The following SLC1A6 variants were observed in gnomAD, a reference collection of about 807,000 sequenced individuals.
SLC1A6 encodes the protein excitatory amino acid transporter 4.
Under a neutral mutation model 42.1 loss-of-function variants are expected in SLC1A6, and 15 were observed. The ratio of observed to expected loss-of-function variants is 0.36; its 90% confidence interval spans 0.24 to 0.55. The LOEUF is 0.55. SLC1A6 is among the 20% of genes least tolerant of loss of function. The pLI, the probability that SLC1A6 is intolerant of heterozygous loss-of-function variation, is 0.88. For synonymous variants in SLC1A6, 317 were observed against 319.7 expected (o/e 0.99, Z 0.09); for missense variants, 542 against 772.5 (o/e 0.70, Z 3.54).
rs1266249354 is a variant in SLC1A6, at chr19:14,961,791, G to T, written c.935+211C>A. The T allele has an allele frequency of 2.9e-5, 18 of 617,656 alleles. No homozygotes were observed. In the East Asian group the frequency reaches 5.3e-4, roughly 18 times the overall value. The allele number at this position is 617,656 out of a possible 1,614,324, so 38.3% of individuals were successfully genotyped here. On this transcript the variant is annotated intron_variant, in intron 6 of 9. Transcript: ENST00000594383. ...TCCATGAACTAACCAATGCATAGAA[G>T]AATGAATGAATGAACAGATGAACAA...
chr19:15,010,174 AG>A (rs771589753), intron 1 of SLC1A6, among the ~76,000 whole-genome samples: 2,732 of 83,252 alleles, frequency 0.033, 31 homozygotes, highest in East Asian at 0.16. Context: ...CGACAGTGCA[AG>A]ACTCTATGAA....
At chr19:14,985,930 C>G (rs1283725625) in intron 1 of SLC1A6, among the ~76,000 whole-genome samples, 1 of 152,112 alleles carries the variant, frequency 6.6e-6, no homozygotes, top group Non-Finnish European at 1.5e-5. Flanking sequence ...TGCACTCCAG[C>G]CTGGGCAGCA....
In SLC1A6 at chr19:14,968,317, G is replaced by A. The variant is rs924553349; in HGVS notation, c.534C>T (p.Phe178=). The A allele has an allele frequency of 9.3e-6, 15 of 1,612,984 alleles. No individual in the cohort carries two copies. The highest frequency in any genetic ancestry group is 1.3e-5 in the Non-Finnish European group (15 of 1,179,508). ...GGTTGGCACACCTGATCAGGTCCATGAAGGCATCAGCTGTGGGGATGGTCT... is the reference window on the plus strand; with the variant it reads ...GGTTGGCACACCTGATCAGGTCCATAAAGGCATCAGCTGTGGGGATGGTCT... The part of the protein sequence containing the change: ...RIETIPTADA[F]MDLIRNMFPP... The change falls in exon 4 of 10, where the codon TTC becomes TTT. Residue 178 remains phenylalanine, a synonymous_variant. Transcript: ENST00000594383.
At chr19:14,953,432 G>C (rs1235431157) in intron 8 of SLC1A6, among the ~76,000 whole-genome samples, 2 of 151,806 alleles carry the variant, frequency 1.3e-5, no homozygotes, top group South Asian at 2.1e-4. Context: ...ATTTTTAGTA[G>C]AGATGGGGTT....
intron 9 of SLC1A6, among the ~76,000 whole-genome samples, chr19:14,952,637 G>A (rs900605898): frequency 6.6e-6 from 1 of 151,988 alleles, no homozygotes; most frequent in Non-Finnish European, 1.5e-5. Flanking sequence ...CACCGCACCC[G>A]GCCTGGATCA....
intron 6 of SLC1A6, among the ~76,000 whole-genome samples, chr19:14,958,101 T>C (rs1248599703): frequency 2.6e-5 from 4 of 152,158 alleles, no homozygotes; most frequent in Non-Finnish European, 1.5e-5. Context: ...CAATGGCTAC[T>C]CCTCTTTCTT....
At chr19:14,988,818 G>A (rs776636222) in intron 1 of SLC1A6, among the ~76,000 whole-genome samples, 11 of 152,050 alleles carry the variant, frequency 7.2e-5, no homozygotes, top group East Asian at 1.9e-4. Flanking sequence ...AGTAGGAGAC[G>A]ACCAGCCTGG....
intron 1 of SLC1A6, among the ~76,000 whole-genome samples, chr19:14,975,851 G>C (rs1413768735): frequency 1.0e-5 from 1 of 100,502 alleles, no homozygotes; most frequent in African/African-American, 4.3e-5. Flanking sequence ...GGGACAAAGG[G>C]AAGGGAAGGG....
chr19:15,003,669 A>AAAAG (rs1473772300), intron 1 of SLC1A6, among the ~76,000 whole-genome samples: 1 of 146,048 alleles, frequency 6.8e-6, no homozygotes, highest in Non-Finnish European at 1.5e-5. Flanking sequence ...CCAAAAAAAA[A>AAAAG]AAAAAGAAAG....
chr19:14,961,156 C>G (rs2045507645), intron 6 of SLC1A6, among the ~76,000 whole-genome samples: 1 of 152,114 alleles, frequency 6.6e-6, no homozygotes, highest in Non-Finnish European at 1.5e-5. Flanking sequence ...ATTCTCCCAC[C>G]TTGGCCTCCC....
In SLC1A6 at chr19:14,979,103, C is replaced by A. The variant is rs1410004085; in HGVS notation, c.-8+206G>T. Among the ~76,000 whole-genome samples, 1 of 149,332 alleles carries A rather than the reference C, an allele frequency of 6.7e-6. No individual in the cohort carries two copies. Among genetic ancestry groups the A allele is most frequent in the African/African-American group, 2.5e-5 (1 of 40,806 alleles). ...ACACACACACACACACACACTAATG[C>A]CCAGACCCTCTGCAGCCTCAGCCAC... On this transcript the variant is annotated intron_variant, in intron 1 of 9. Coordinates refer to ENST00000594383, the MANE Select transcript of SLC1A6 (RefSeq NM_005071.3). The surrounding 1 kb of genome is among the most constrained non-coding windows in gnomAD (Gnocchi z 4.2).
intron 3 of SLC1A6, among the ~76,000 whole-genome samples, chr19:14,970,723 A>C (rs1325119986): frequency 6.6e-6 from 1 of 151,594 alleles, no homozygotes; most frequent in East Asian, 1.9e-4. Context: ...AAAAAAAAAG[A>C]ATATAGTATA....
At chr19:14,977,760 G>A (rs929727219) in intron 1 of SLC1A6, 2 of 152,198 alleles carry the variant, frequency 1.3e-5, no homozygotes, top group African/African-American at 4.8e-5. Flanking sequence ...CAACTTGGGT[G>A]ACAGCGTAAA....
chr19:14,995,655 A>G (rs1015873168), intron 1 of SLC1A6, among the ~76,000 whole-genome samples: 6 of 152,194 alleles, frequency 3.9e-5, no homozygotes, highest in African/African-American at 1.4e-4. Context: ...ATAAAACGTT[A>G]TGCTATACAT....
rs115234966 is a variant in SLC1A6 at position 14,972,498 on chromosome 19, T to C, written c.205+208A>G. ...TGTACACATGGATATGCATGTAACA[T>C]TGTGTGCACACACAGTTGTGTTTGC... On this transcript the variant is annotated intron_variant, in intron 2 of 9. Coordinates refer to ENST00000594383, the MANE Select transcript of SLC1A6 (RefSeq NM_005071.3). 3.3e-3 allele frequency among the ~76,000 whole-genome samples: 501 copies of C among 152,372 alleles called. 5 individuals are homozygous for C. The highest frequency in any genetic ancestry group is 0.011 in the African/African-American group (472 of 41,584).
intron 1 of SLC1A6, among the ~76,000 whole-genome samples, chr19:15,007,228 C>T (rs757099211): frequency 3.9e-5 from 6 of 152,160 alleles, no homozygotes; most frequent in Non-Finnish European, 8.8e-5. Context: ...AGCACTGATC[C>T]GTGCTACAAC....
chr19:14,978,819 C>A (rs1461626307), intron 1 of SLC1A6, among the ~76,000 whole-genome samples: 1 of 151,978 alleles, frequency 6.6e-6, no homozygotes, highest in Non-Finnish European at 1.5e-5. Context: ...GGCACACAAC[C>A]ACACACACCT....
intron 5 of SLC1A6, among the ~76,000 whole-genome samples, chr19:14,962,628 C>A (rs2045527637): frequency 6.6e-6 from 1 of 152,112 alleles, no homozygotes; most frequent in African/African-American, 2.4e-5. Context: ...GAACTACCGG[C>A]CGGGCATGGC....
chr19:14,987,156 A>G (rs150125568), intron 1 of SLC1A6, among the ~76,000 whole-genome samples: 1 of 152,262 alleles, frequency 6.6e-6, no homozygotes, highest in Admixed American at 6.5e-5. Context: ...TCAGATGGTG[A>G]TAAGTCCTAT....
Sources: allele counts gnomAD v4.1 joint callset (sites outside exome capture counted in the v4.1 genomes callset), GRCh38; gene constraint gnomAD v4.1.1; non-coding constraint Gnocchi (gnomAD v3.1); transcripts MANE v1.5; gene names NCBI Gene and HGNC (gene_info 2026-07-23, HGNC 2026-07-21).